SPAM1: variants seen among roughly 807,000 people sequenced by gnomAD.
SPAM1 encodes the protein hyaluronidase PH-20.
In SPAM1, 22 loss-of-function variants were observed where a neutral mutation model predicts 29.6. The ratio of observed to expected loss-of-function variants is 0.74; its 90% CI spans 0.53 to 1.06. The LOEUF is 1.06. Among genes scored for constraint, SPAM1 ranks in the 50% least tolerant of loss-of-function variants. SPAM1 has a pLI of 0.00. For missense variants in SPAM1, 534 were observed against 604.0 expected (o/e 0.88, Z 1.21); for synonymous variants, 194 against 204.6 (o/e 0.95, Z 0.44).
chr7:123,945,474 C>A (rs547026658), intron 1 of SPAM1, among the ~76,000 whole-genome samples: 2 of 152,276 alleles, frequency 1.3e-5, no homozygotes, highest in South Asian at 4.1e-4. Flanking sequence ...ATGCCAAGGT[C>A]AAATCCTCTC....
intron 1 of SPAM1, among the ~76,000 whole-genome samples, chr7:123,945,741 A>T (rs1252295708): frequency 1.3e-5 from 2 of 152,160 alleles, no homozygotes; most frequent in East Asian, 3.9e-4. Context: ...GGTGAAGAAA[A>T]GTAAATGAAA....
rs1364194508 is a variant in SPAM1 at position 123,959,665 on chromosome 7, T to C, written c.1226T>C (p.Leu409Pro). ...AACCCAGATAATTTTGCTATTCAACTTGAGAAAGGTGGAAAGTTCACAGTA... is the reference window on the plus strand; with the variant it reads ...AACCCAGATAATTTTGCTATTCAACCTGAGAAAGGTGGAAAGTTCACAGTA... ...HLNPDNFAIQ[L>P]EKGGKFTVRG... Residue 409 changes from leucine (L) to proline (P), a missense_variant, in exon 5 of 5, where the codon CTT (leucine) becomes CCT (proline). Physicochemically the swap from Leu to Pro is moderately conservative, Grantham distance 98 (BLOSUM62 -3). Coordinates refer to ENST00000682466, the MANE Select transcript of SPAM1 (RefSeq NM_153189.3). 6.2e-7 allele frequency: 1 copy of C among 1,613,230 alleles called. No homozygotes were observed. The highest frequency in any genetic ancestry group is 2.2e-5 in the East Asian group (1 of 44,840).
chr7:123,947,349 G>T (rs1291321093), intron 1 of SPAM1, among the ~76,000 whole-genome samples: 2 of 152,072 alleles, frequency 1.3e-5, no homozygotes, highest in Non-Finnish European at 2.9e-5. Context: ...AGGAGTTCCA[G>T]ACCAGCCTGG....
intron 1 of SPAM1, among the ~76,000 whole-genome samples, chr7:123,931,369 T>C (rs1202002503): frequency 6.6e-6 from 1 of 152,162 alleles, no homozygotes; most frequent in Non-Finnish European, 1.5e-5. Context: ...ATAAAGAAAT[T>C]ATGTGACCTA....
chr7:123,953,659 T>C lies in SPAM1; in HGVS notation c.89T>C (p.Ile30Thr). The change falls in exon 3 of 5, where the codon ATT (isoleucine) becomes ACT (threonine). Residue 30 changes from isoleucine (I) to threonine (T), a missense_variant. Transcript: ENST00000682466. ...CAGATAGTTTTCACCTTCCTTCTGATTCCATGTTGCTTGACTCTGAATTTC... is the reference window on the plus strand; with the variant it reads ...CAGATAGTTTTCACCTTCCTTCTGACTCCATGTTGCTTGACTCTGAATTTC... ...VSQIVFTFLLIPCCLTLNFRA... is the reference protein window; with the variant it reads ...VSQIVFTFLLTPCCLTLNFRA... The C allele has an allele frequency of 5.6e-6, 9 of 1,613,406 alleles. No individual in the cohort carries two copies. The highest frequency in any genetic ancestry group is 7.6e-6 in the Non-Finnish European group (9 of 1,179,644).
intron 1 of SPAM1, among the ~76,000 whole-genome samples, chr7:123,937,433 C>T (rs1808283682): frequency 6.6e-6 from 1 of 151,896 alleles, no homozygotes; most frequent in Non-Finnish European, 1.5e-5. Context: ...AATCCCGTCT[C>T]TACTAAAAAT....
At chr7:123,964,412 AG>A (rs1167498088), downstream of SPAM1, among the ~76,000 whole-genome samples, 2 of 151,952 alleles carry the variant, frequency 1.3e-5, no homozygotes, top group Non-Finnish European at 2.9e-5. Context: ...CCTAGATAAT[AG>A]ATATAAGGAA....
chr7:123,961,204 A>G (rs953001045), downstream of SPAM1, among the ~76,000 whole-genome samples: 2 of 151,766 alleles, frequency 1.3e-5, no homozygotes, highest in Non-Finnish European at 2.9e-5. Flanking sequence ...AGCTTTTTGA[A>G]CATATGCAAT....
downstream of SPAM1, among the ~76,000 whole-genome samples, chr7:123,963,748 G>T (rs2117076750): frequency 6.6e-6 from 1 of 152,006 alleles, no homozygotes; most frequent in African/African-American, 2.4e-5. Flanking sequence ...CTTGTAGCAG[G>T]ATATAGGGAG....
chr7:123,925,664 A>T (rs1187418402), intron 1 of SPAM1: 1 of 151,618 alleles, frequency 6.6e-6, no homozygotes, highest in Admixed American at 6.6e-5. Context: ...TGAACCTGGC[A>T]GATGGCGGTT....
chr7:123,966,889 A>G (rs921767927), intron 5 of SPAM1, among the ~76,000 whole-genome samples: 10 of 152,060 alleles, frequency 6.6e-5, no homozygotes, highest in Non-Finnish European at 1.5e-4. Flanking sequence ...CACATCCTGC[A>G]CATATACCCT....
chr7:123,937,371 G>A (rs1024431887), intron 1 of SPAM1, among the ~76,000 whole-genome samples: 8 of 152,106 alleles, frequency 5.3e-5, no homozygotes, highest in African/African-American at 1.9e-4. Context: ...GGAGGCCAAG[G>A]CGGGCGGATC....
intron 4 of SPAM1, among the ~76,000 whole-genome samples, chr7:123,956,017 A>G (rs968076183): frequency 2.6e-5 from 4 of 151,670 alleles, no homozygotes; most frequent in Non-Finnish European, 5.9e-5. Flanking sequence ...TCTCCATACT[A>G]TTTTCTTTTC....
chr7:123,940,200 G>A (rs1584951369), intron 1 of SPAM1, among the ~76,000 whole-genome samples: 2 of 151,744 alleles, frequency 1.3e-5, no homozygotes, highest in East Asian at 3.9e-4. Flanking sequence ...TGAGTTTAGT[G>A]AAATTTAAAG....
At chr7:123,950,739 T>C (rs1431881166) in intron 2 of SPAM1, among the ~76,000 whole-genome samples, 1 of 152,180 alleles carries the variant, frequency 6.6e-6, no homozygotes, top group African/African-American at 2.4e-5. Flanking sequence ...TGAAGCTGTC[T>C]TTTTTATATA....
intron 1 of SPAM1, among the ~76,000 whole-genome samples, chr7:123,929,261 A>G (rs2117015604): frequency 6.6e-6 from 1 of 152,190 alleles, no homozygotes; most frequent in Middle Eastern, 3.4e-3. Context: ...AAAGGTCTCT[A>G]CTATCACTTT....
intron 1 of SPAM1, among the ~76,000 whole-genome samples, chr7:123,928,901 A>G (rs1001528267): frequency 1.3e-5 from 2 of 152,082 alleles, no homozygotes; most frequent in African/African-American, 4.8e-5. Flanking sequence ...TTAACCCTAG[A>G]GTCATAGGTG....
chr7:123,955,182 G>A, intron 4 of SPAM1, 96 bp downstream of exon 4: 1 of 840,682 alleles, frequency 1.2e-6, no homozygotes, highest in East Asian at 2.6e-5. Context: ...GTAGTACTAT[G>A]CTTGGCATGT....
In SPAM1 at chr7:123,949,941, T is replaced by A. The variant is rs1808706031; in HGVS notation, c.-249T>A. On this transcript the variant is annotated 5_prime_UTR_variant, in exon 2 of 5. Coordinates refer to ENST00000682466, the MANE Select transcript of SPAM1 (RefSeq NM_153189.3). ...GCCAACTTCTTGCCTTGATAACTAC[T>A]GAAGAGACATTGGGTGGCTGGATTT... The A allele has an allele frequency of 6.6e-6, 1 of 152,004 alleles. No individual in the cohort carries two copies. The highest frequency in any genetic ancestry group is 2.4e-5 in the African/African-American group (1 of 41,386). The allele number at this position is 152,004 out of a possible 1,614,324, so 9.4% of individuals were successfully genotyped here. A position where few individuals can be genotyped will look rare whatever the true frequency, so the allele number is the denominator to read the frequency against.
Sources: allele counts gnomAD v4.1 joint callset (sites outside exome capture counted in the v4.1 genomes callset), GRCh38; gene constraint gnomAD v4.1.1; transcripts MANE v1.5; gene names NCBI Gene and HGNC (gene_info 2026-07-23, HGNC 2026-07-21).